Variants in TRAF1 observed in about 807,000 individuals in gnomAD.
TRAF1 encodes TNF receptor associated factor 1.
A neutral mutation model predicts 40.9 loss-of-function variants in TRAF1; 23 were observed. That is an observed-to-expected ratio of 0.56 (90% CI 0.40 to 0.80). The LOEUF (loss-of-function observed/expected upper bound fraction) is 0.80. Ranked by LOEUF, TRAF1 falls within the 30% of genes least tolerant of loss-of-function variation. The probability of loss-of-function intolerance (pLI) is 0.00; values close to 1 mark genes in which losing one functional copy is unlikely to be tolerated. For missense variants in TRAF1, 477 were observed against 528.7 expected, an observed-to-expected ratio of 0.90 and a Z score of 0.96; for synonymous variants, 206 against 218.8, an observed-to-expected ratio of 0.94 and a Z score of 0.52.
At chr9:120,914,701 T>C (rs2046557381) in intron 3 of TRAF1, 1 of 427,476 alleles carries the variant, frequency 2.3e-6, no homozygotes, top group Admixed American at 6.4e-5. Context: ...AGTAAATGCC[T>C]CCCTCCTCCT....
At chr9:120,913,166 ACT>A (rs2046541086) in intron 5 of TRAF1, among the ~76,000 whole-genome samples, 160 bp downstream of exon 5, 1 of 152,180 alleles carries the variant, frequency 6.6e-6, no homozygotes, top group Admixed American at 6.5e-5. Context: ...ACAGCTTCTA[ACT>A]CAGCGCTCTT....
rs1275301238 is a variant in TRAF1 at position 120,903,546 on chromosome 9, C to G, written c.*1474G>C. On this transcript the variant is annotated 3_prime_UTR_variant, in exon 8 of 8. Transcript: ENST00000373887. ...ACCCTAACGATTTGAGCAATGGAGT[C>G]TGGCACAGGCTCAGCAGGTGGAGGA... The G allele has an allele frequency of 2.6e-5, 4 of 152,604 alleles. No homozygotes were observed. The highest frequency in any genetic ancestry group is 4.4e-5 in the Non-Finnish European group (3 of 68,352). The allele number at this position is 152,604 out of a possible 1,614,324, so 9.5% of individuals were successfully genotyped here.
rs564520690 is a variant in TRAF1, at chr9:120,914,213, T to C, written c.294+22A>G. The C allele has an allele frequency of 3.0e-5, 45 of 1,494,152 alleles. No homozygotes were observed. In the Admixed American group the frequency reaches 5.7e-4, roughly 19 times the overall value. The allele number at this position is 1,494,152 out of a possible 1,614,324, so 92.6% of individuals were successfully genotyped here. ...CTGGAACCATAGTGGATAGATCTCC[T>C]TTCTCACACTCAGATGCTTACCTTG... On this transcript the variant is annotated intron_variant, in intron 4 of 7. Coordinates refer to ENST00000373887, the MANE Select transcript of TRAF1 (RefSeq NM_005658.5).
intron 3 of TRAF1, among the ~76,000 whole-genome samples, chr9:120,922,814 T>C (rs1014530): frequency 0.52 from 78,292 of 151,996 alleles, 20,918 homozygotes; most frequent in South Asian, 0.69. Context: ...CTCAATTTTA[T>C]ATAATTTTCA....
intron 3 of TRAF1, among the ~76,000 whole-genome samples, chr9:120,915,825 C>T (rs941849840): frequency 6.6e-6 from 1 of 151,864 alleles, no homozygotes; most frequent in Non-Finnish European, 1.5e-5. Flanking sequence ...CAGAGAAAGA[C>T]CTTGTCTCTC....
intron 7 of TRAF1, among the ~76,000 whole-genome samples, chr9:120,909,009 C>T (rs1469353065): frequency 6.6e-6 from 1 of 152,146 alleles, no homozygotes; most frequent in East Asian, 1.9e-4. Flanking sequence ...AATTTTATTT[C>T]TATATAACCT....
intron 3 of TRAF1, 91 bp from the exon 4 acceptor site, chr9:120,914,391 G>A (rs1408944703): frequency 2.3e-6 from 3 of 1,292,966 alleles, no homozygotes; most frequent in Non-Finnish European, 3.0e-6. Flanking sequence ...ACCAGGGCAG[G>A]AGATGGCTTG....
In TRAF1 at chr9:120,904,874, C is replaced by T. The variant is rs1321578622; in HGVS notation, c.*146G>A. 4.8e-6 allele frequency: 4 copies of T among 832,226 alleles called. No individual in the cohort carries two copies. The highest frequency in any genetic ancestry group is 3.4e-5 in the African/African-American group (2 of 58,230). 51.6% of individuals were successfully genotyped at this position (832,226 alleles called of 1,614,324 possible). ...CTGCCATCCTAACCAGATGGCCAGC[C>T]CGAAGTCGACCCCTCAGTCTTGCTT... is the stretch of plus-strand genomic sequence containing the variant. On this transcript the variant is annotated 3_prime_UTR_variant, in exon 8 of 8. Transcript: ENST00000373887.
chr9:120,913,307 A>C (rs1472544795), intron 5 of TRAF1, 21 bp downstream of exon 5: 1 of 1,576,432 alleles, frequency 6.3e-7, no homozygotes. Context: ...GCTTGAAGGC[A>C]AACCTGCCTC....
chr9:120,914,960 G>C (rs1309964240), intron 3 of TRAF1, among the ~76,000 whole-genome samples: 1 of 152,166 alleles, frequency 6.6e-6, no homozygotes, highest in Non-Finnish European at 1.5e-5. Context: ...CTTACAGCAT[G>C]GTGGGGAAGA....
intron 7 of TRAF1, 151 bp from the exon 8 acceptor site, chr9:120,905,389 G>A: frequency 1.1e-6 from 1 of 881,900 alleles, no homozygotes; most frequent in Non-Finnish European, 1.7e-6. Context: ...GAGAAACCAA[G>A]TAAGGAGCGC....
At chr9:120,926,798 A>G (rs542185775), upstream of TRAF1, 1 of 152,254 alleles carries the variant, frequency 6.6e-6, no homozygotes, top group East Asian at 1.9e-4. Flanking sequence ...GATGAAATCC[A>G]AGGCCTAGGA....
In TRAF1 at chr9:120,926,274, T is replaced by A. The variant is rs536607825; in HGVS notation, c.-199A>T. On this transcript the variant is annotated 5_prime_UTR_variant, in exon 2 of 8. Transcript: ENST00000373887. ...GAGCAGGAATTACCCTTTGTGGCGATAAAAATCCCCTGGATGGTGACTGAA... is the reference window on the plus strand; with the variant it reads ...GAGCAGGAATTACCCTTTGTGGCGAAAAAAATCCCCTGGATGGTGACTGAA... 1 of 497,388 alleles carries A rather than the reference T, an allele frequency of 2.0e-6. No individual in the cohort carries two copies. Among genetic ancestry groups the A allele is most frequent in the Non-Finnish European group, 3.3e-6 (1 of 300,520 alleles). 30.8% of individuals were successfully genotyped at this position (497,388 alleles called of 1,614,324 possible).
At chr9:120,928,171 G>C (rs1333176461), upstream of TRAF1, 1 of 152,274 alleles carries the variant, frequency 6.6e-6, no homozygotes, top group East Asian at 1.9e-4. Context: ...GCACAGAGAG[G>C]CTAAGCGACT....
At chr9:120,910,758 G>C (rs556769636) in intron 6 of TRAF1, among the ~76,000 whole-genome samples, 25 of 152,332 alleles carry the variant, frequency 1.6e-4, no homozygotes, top group African/African-American at 5.3e-4. Context: ...ATTTAGTTAA[G>C]AGAAACACTT....
chr9:120,906,186 T>G (rs2046481267), intron 7 of TRAF1, among the ~76,000 whole-genome samples: 1 of 149,852 alleles, frequency 6.7e-6, no homozygotes, highest in Admixed American at 6.6e-5. Context: ...TTTTTTTTTT[T>G]TTTTTTTTTT....
At chr9:120,924,072 A>G (rs1212076458) in intron 2 of TRAF1, among the ~76,000 whole-genome samples, 1 of 152,230 alleles carries the variant, frequency 6.6e-6, no homozygotes, top group Admixed American at 6.5e-5. Flanking sequence ...TACATGTTTC[A>G]TTGCAGAAAC....
upstream of TRAF1, chr9:120,928,840 A>G (rs2046657196): frequency 6.6e-6 from 1 of 152,064 alleles, no homozygotes; most frequent in South Asian, 2.1e-4. Context: ...TCGCGTCGCC[A>G]CCTCCACATA....
chr9:120,905,872 G>A (rs1239929143), intron 7 of TRAF1, among the ~76,000 whole-genome samples: 2 of 152,224 alleles, frequency 1.3e-5, no homozygotes, highest in East Asian at 3.9e-4. Context: ...GCCAACTGAA[G>A]CATCCTCACC....
Sources: gnomAD v4.1 joint callset for allele counts (sites outside exome capture counted in the v4.1 genomes callset) on GRCh38, gnomAD v4.1.1 for gene constraint, MANE v1.5 for transcripts, NCBI Gene and HGNC (gene_info 2026-07-23, HGNC 2026-07-21) for gene names.